Variants in C20orf203 observed in about 807,000 individuals in gnomAD.
C20orf203 encodes uncharacterized protein C20orf203.
A neutral mutation model predicts 15.9 loss-of-function variants in C20orf203; 16 were observed. The ratio of observed to expected loss-of-function variants is 1.01; its 90% CI spans 0.68 to 1.53. The LOEUF (loss-of-function observed/expected upper bound fraction) is 1.53. Ranked by LOEUF, C20orf203 falls within the 40% of genes most tolerant of loss-of-function variation. The probability of loss-of-function intolerance (pLI) is 0.00; values close to 1 mark genes in which losing one functional copy is unlikely to be tolerated. For synonymous variants in C20orf203, 98 were observed against 97.2 expected, an observed-to-expected ratio of 1.01 and a Z score of -0.05; for missense variants, 263 against 247.5, an observed-to-expected ratio of 1.06 and a Z score of -0.42.
intron 4 of C20orf203, among the ~76,000 whole-genome samples, chr20:32,641,205 G>A (rs1982271512): frequency 6.6e-6 from 1 of 151,766 alleles, no homozygotes; most frequent in Non-Finnish European, 1.5e-5. Flanking sequence ...CATGTGTGGA[G>A]TAGCCTTTAG....
intron 1 of C20orf203, among the ~76,000 whole-genome samples, 181 bp from the exon 2 acceptor site, chr20:32,652,162 A>T (rs1441229832): frequency 6.6e-6 from 1 of 151,902 alleles, no homozygotes; most frequent in East Asian, 1.9e-4. Context: ...TACAAAAATT[A>T]GCTGGGTGTG....
intron 5 of C20orf203, among the ~76,000 whole-genome samples, chr20:32,636,392 C>T (rs1034369147): frequency 1.4e-4 from 22 of 152,280 alleles, no homozygotes; most frequent in African/African-American, 3.4e-4. Context: ...AGGTGCTTAA[C>T]GCCTGCTGGA....
chr20:32,636,653 C>G (rs542917966), intron 5 of C20orf203, among the ~76,000 whole-genome samples: 139 of 152,276 alleles, frequency 9.1e-4, no homozygotes, highest in Non-Finnish European at 2.8e-4. Flanking sequence ...CCTGCGCCCC[C>G]CATGTGCTGC....
At position 32,633,055 on chromosome 20, in the gene C20orf203, G is replaced by C. The variant is rs2145656957; in HGVS notation, c.*2515C>G. 6.6e-6 allele frequency: 1 copy of C among 152,160 alleles called. No homozygotes were observed. The highest frequency in any genetic ancestry group is 1.9e-4 in the East Asian group (1 of 5,188). The allele number at this position is 152,160 out of a possible 1,614,324, so 9.4% of individuals were successfully genotyped here. A position where few individuals can be genotyped will look rare whatever the true frequency, so the allele number is the denominator to read the frequency against. The stretch of plus-strand genomic sequence containing the variant: ...ACTCACTATCATGAGAACAGCATGG[G>C]GGAAACTGCCACCATTATTCAATTA... On this transcript the variant is annotated 3_prime_UTR_variant, in exon 6 of 6. Transcript: ENST00000608990.
intron 5 of C20orf203, among the ~76,000 whole-genome samples, chr20:32,638,032 G>A (rs575853750): frequency 2.0e-5 from 3 of 152,168 alleles, no homozygotes; most frequent in African/African-American, 7.2e-5. Flanking sequence ...GTGTGTGTGT[G>A]TATACAAAGC....
chr20:32,664,259 C>T (rs1186519555), intron 1 of C20orf203, among the ~76,000 whole-genome samples: 1 of 152,256 alleles, frequency 6.6e-6, no homozygotes, highest in East Asian at 1.9e-4. Context: ...TGGAAAGGCA[C>T]TGACAGTGAG....
chr20:32,648,062 G>C (rs918908971), intron 4 of C20orf203, among the ~76,000 whole-genome samples: 2 of 152,230 alleles, frequency 1.3e-5, no homozygotes, highest in African/African-American at 4.8e-5. Context: ...CCAGGTAACA[G>C]AGATCTGCTA....
intron 4 of C20orf203, among the ~76,000 whole-genome samples, chr20:32,647,884 C>T (rs774311071): frequency 2.6e-4 from 40 of 152,286 alleles, no homozygotes; most frequent in Non-Finnish European, 5.1e-4. Flanking sequence ...CAGGGGGCGT[C>T]GCCTTCCCCC....
At chr20:32,667,815 C>T (rs940566694) in intron 1 of C20orf203, among the ~76,000 whole-genome samples, 5 of 152,166 alleles carry the variant, frequency 3.3e-5, no homozygotes, top group African/African-American at 1.2e-4. Flanking sequence ...GGACTACAGG[C>T]GCGTGCCACC....
intron 5 of C20orf203, among the ~76,000 whole-genome samples, chr20:32,638,174 T>C (rs1032549316): frequency 2.6e-5 from 4 of 152,202 alleles, no homozygotes; most frequent in African/African-American, 9.7e-5. Flanking sequence ...CCCTGAGCTC[T>C]TTGCAACAGC....
At chr20:32,643,034 C>G (rs1354940046) in intron 4 of C20orf203, among the ~76,000 whole-genome samples, 1 of 152,166 alleles carries the variant, frequency 6.6e-6, no homozygotes, top group African/African-American at 2.4e-5. Flanking sequence ...GTACTCAGAG[C>G]CTGTCCCCTT....
intron 1 of C20orf203, among the ~76,000 whole-genome samples, chr20:32,659,374 A>G (rs1982837451): frequency 6.6e-6 from 1 of 152,222 alleles, no homozygotes; most frequent in South Asian, 2.1e-4. Flanking sequence ...GCCTACTACC[A>G]GCACAAAAAC....
chr20:32,658,309 T>C (rs546927282), intron 1 of C20orf203, among the ~76,000 whole-genome samples: 7 of 152,218 alleles, frequency 4.6e-5, no homozygotes, highest in Admixed American at 1.3e-4. Flanking sequence ...TTTAGGGTAC[T>C]CTTTTTATTT....
At chr20:32,636,067 C>A (rs1982131050) in intron 5 of C20orf203, among the ~76,000 whole-genome samples, 1 of 152,182 alleles carries the variant, frequency 6.6e-6, no homozygotes, top group Admixed American at 6.5e-5. Flanking sequence ...GGTCCTTCCA[C>A]TGGGGAGGTC....
chr20:32,639,729 G>A (rs544815606), intron 5 of C20orf203, among the ~76,000 whole-genome samples: 21 of 151,384 alleles, frequency 1.4e-4, no homozygotes, highest in South Asian at 6.3e-4. Flanking sequence ...TCTGTCCACC[G>A]AGCACCATGG....
At chr20:32,671,701 TG>T (rs1409982623) in intron 1 of C20orf203, among the ~76,000 whole-genome samples, 2 of 151,548 alleles carry the variant, frequency 1.3e-5, no homozygotes, top group Non-Finnish European at 2.9e-5. Flanking sequence ...TAGCCGGGCG[TG>T]GTGGCGCACA....
chr20:32,647,929 T>C (rs1158088723), intron 4 of C20orf203, among the ~76,000 whole-genome samples: 3 of 152,124 alleles, frequency 2.0e-5, no homozygotes, highest in African/African-American at 4.8e-5. Context: ...AGGTCCCTCA[T>C]AGTATCTCCC....
intron 1 of C20orf203, among the ~76,000 whole-genome samples, chr20:32,661,942 G>A (rs373960964): frequency 7.2e-5 from 11 of 152,150 alleles, no homozygotes; most frequent in East Asian, 3.8e-4. Flanking sequence ...CCATGTCAGC[G>A]TAAGGCCCAT....
At chr20:32,634,361 G>A (rs969352816) in intron 5 of C20orf203, 91 bp from the exon 6 acceptor site, 20 of 396,796 alleles carry the variant, frequency 5.0e-5, no homozygotes, top group African/African-American at 3.9e-4. Flanking sequence ...GGAAGACAGC[G>A]TGAGACATTC....
Sources: allele counts gnomAD v4.1 joint callset (sites outside exome capture counted in the v4.1 genomes callset), GRCh38; gene constraint gnomAD v4.1.1; transcripts MANE v1.5; gene names NCBI Gene and HGNC (gene_info 2026-07-23, HGNC 2026-07-21).